TSPOAP1: variants seen among roughly 807,000 people sequenced by gnomAD.
TSPOAP1 encodes the protein peripheral-type benzodiazepine receptor-associated protein 1.
In TSPOAP1, 87 loss-of-function variants were observed where a neutral mutation model predicts 197.0. The ratio of observed to expected loss-of-function variants is 0.44; its 90% CI spans 0.37 to 0.53. The LOEUF (loss-of-function observed/expected upper bound fraction) is 0.53. Ranked by LOEUF, TSPOAP1 falls within the 20% of genes least tolerant of loss-of-function variation. The pLI is 0.00. For missense variants in TSPOAP1, 2,174 were observed against 2,411.3 expected (o/e 0.90, Z 2.06); for synonymous variants, 913 against 998.9 (o/e 0.91, Z 1.62).
At chr17:58,323,588 G>C in intron 5 of TSPOAP1, 43 bp from the exon 6 acceptor site, 1 of 1,596,614 alleles carries the variant, frequency 6.3e-7, no homozygotes, top group Non-Finnish European at 8.5e-7. Flanking sequence ...TGAGAACAGG[G>C]CCCCAGGGCA....
At chr17:58,314,764 GAGTC>G (rs1271923561) in intron 16 of TSPOAP1, among the ~76,000 whole-genome samples, 1 of 152,244 alleles carries the variant, frequency 6.6e-6, no homozygotes, top group African/African-American at 2.4e-5. Flanking sequence ...ACAAAGGCAG[GAGTC>G]TTCACACTAA....
chr17:58,322,464 G>T lies in TSPOAP1; in HGVS notation c.1318-52C>A, dbSNP rs1385775950. ...CAGAGCCCCTACTTGGCCATTTCTA[G>T]AGAAGATCTAAGATGAGGAAGCCTC... On this transcript the variant is annotated intron_variant, in intron 9 of 31. Coordinates refer to ENST00000343736, the MANE Select transcript of TSPOAP1 (RefSeq NM_004758.4). This position sits in a 1 kb window ranked among gnomAD's most constrained non-coding sequence, Gnocchi z 5.0. 16 of 1,590,404 alleles carry T rather than the reference G, an allele frequency of 1.0e-5. No homozygotes were observed. The Admixed American group carries it at 2.4e-4, about 24-fold the overall frequency.
chr17:58,326,388 C>A lies in TSPOAP1; in HGVS notation c.475G>T (p.Val159Leu). The A allele has an allele frequency of 2.5e-6, 4 of 1,613,988 alleles. No homozygotes were observed. In the South Asian group the frequency reaches 3.3e-5, roughly 13 times the overall value. ...KSSFPETEEK[V>L]RRLKRKNAEL... is the part of the protein sequence containing the mutation. ...GCGTTCTTCCTCTTCAGCCTCCGCA[C>A]CTTCTCTTCTGTCTCAGGGAAGCTG... is the stretch of plus-strand genomic sequence containing the variant. The change falls in exon 3 of 32, where the codon GTG becomes TTG. Residue 159 changes from valine (V) to leucine (L), a missense_variant. Transcript: ENST00000343736. The surrounding 1 kb of genome is among the most constrained non-coding windows in gnomAD (Gnocchi z 4.7).
chr17:58,322,210 C>T lies in TSPOAP1; in HGVS notation c.1422+98G>A, dbSNP rs956222077. Reference sequence around the variant, plus strand: ...TTTGTTCCCCACAGTCTCCCCGACGCCTAGCACAGTGCCGGGCACACAGTA... The same window carrying T: ...TTTGTTCCCCACAGTCTCCCCGACGTCTAGCACAGTGCCGGGCACACAGTA... On this transcript the variant is annotated intron_variant, in intron 10 of 31. Coordinates refer to ENST00000343736, the MANE Select transcript of TSPOAP1 (RefSeq NM_004758.4). This position sits in a 1 kb window ranked among gnomAD's most constrained non-coding sequence, Gnocchi z 5.0. 7.9e-7 allele frequency: 1 copy of T among 1,261,458 alleles called. No individual in the cohort carries two copies. The highest frequency in any genetic ancestry group is 1.5e-5 in the African/African-American group (1 of 68,212). The allele number at this position is 1,261,458 out of a possible 1,614,324, so 78.1% of individuals were successfully genotyped here. A position where few individuals can be genotyped will look rare whatever the true frequency, so the allele number is the denominator to read the frequency against.
chr17:58,302,513 T>A, intron 31 of TSPOAP1, 66 bp from the exon 32 acceptor site: 1 of 1,140,688 alleles, frequency 8.8e-7, no homozygotes, highest in Non-Finnish European at 1.1e-6. Context: ...GACCCATTTT[T>A]TCCACAGCCT....
chr17:58,304,983 G>C lies in TSPOAP1; in HGVS notation c.5544+78C>G. The stretch of plus-strand genomic sequence containing the variant: ...TGACCACCCCAGCTGCACCCCTGCC[G>C]CAACACTGCCCTGGCCCTACCACCC... On this transcript the variant is annotated intron_variant, in intron 30 of 31. Coordinates refer to ENST00000343736, the MANE Select transcript of TSPOAP1 (RefSeq NM_004758.4). This position sits in a 1 kb window ranked among gnomAD's most constrained non-coding sequence, Gnocchi z 4.2. 1 of 1,124,182 alleles carries C rather than the reference G, an allele frequency of 8.9e-7. No individual in the cohort carries two copies. The highest frequency in any genetic ancestry group is 1.4e-6 in the Non-Finnish European group (1 of 734,094). 69.6% of individuals were successfully genotyped at this position (1,124,182 alleles called of 1,614,324 possible). A position where few individuals can be genotyped will look rare whatever the true frequency, so the allele number is the denominator to read the frequency against.
chr17:58,306,766 T>C (rs1197614998), intron 25 of TSPOAP1, 34 bp downstream of exon 25: 2 of 1,588,494 alleles, frequency 1.3e-6, no homozygotes, highest in Admixed American at 1.7e-5. Context: ...AGGGGGCTGG[T>C]GGGAGGTGGG....
rs973739232 is a variant in TSPOAP1 at position 58,309,712 on chromosome 17, C to G, written c.3891+255G>C. Among the ~76,000 whole-genome samples, 5 of 152,246 alleles carry G rather than the reference C, an allele frequency of 3.3e-5. No individual in the cohort carries two copies. The highest frequency in any genetic ancestry group is 1.2e-4 in the African/African-American group (5 of 41,464). On this transcript the variant is annotated intron_variant, in intron 21 of 31. Transcript: ENST00000343736. This position sits in a 1 kb window ranked among gnomAD's most constrained non-coding sequence, Gnocchi z 5.0. ...AAGGATCTTAGGTGGCACCGGCCTC[C>G]CCTGGCCAGGGCGCTGTATCTGGTG...
intron 31 of TSPOAP1, chr17:58,303,222 C>G (rs1029362811): frequency 6.6e-6 from 1 of 152,532 alleles, no homozygotes; most frequent in Non-Finnish European, 1.5e-5. Flanking sequence ...CACCAGAAAG[C>G]CCCCTACACC....
chr17:58,312,258 G>A lies in TSPOAP1; in HGVS notation c.2563C>T (p.Leu855Phe). Residue 855 changes from leucine (L) to phenylalanine (F), a missense_variant, in exon 17 of 32, where the codon CTT becomes TTT. Coordinates refer to ENST00000343736, the MANE Select transcript of TSPOAP1 (RefSeq NM_004758.4). ...LENLDLWAGPLHISVQALTSR... is the reference protein window; with the variant it reads ...LENLDLWAGPFHISVQALTSR... ...GTCAGGGCCTGGACAGAAATGTGAA[G>A]GGGCCCGGCCCACAGGTCCAGGTTC... is the stretch of plus-strand genomic sequence containing the variant. 6.2e-7 allele frequency: 1 copy of A among 1,612,644 alleles called. No individual in the cohort carries two copies. The highest frequency in any genetic ancestry group is 8.5e-7 in the Non-Finnish European group (1 of 1,179,734).
intron 14 of TSPOAP1, among the ~76,000 whole-genome samples, chr17:58,317,386 G>T (rs1971272321): frequency 6.6e-6 from 1 of 152,090 alleles, no homozygotes; most frequent in Non-Finnish European, 1.5e-5. Context: ...TACTTGCCCG[G>T]CCCACAGCCC....
At position 58,327,728 on chromosome 17, in the gene TSPOAP1, C is replaced by T. The variant is rs780869105; in HGVS notation, c.193G>A (p.Gly65Arg). 1.2e-6 allele frequency: 2 copies of T among 1,614,086 alleles called. No homozygotes were observed. The highest frequency in any genetic ancestry group is 2.7e-5 in the African/African-American group (2 of 74,958). The change falls in exon 1 of 32, where the codon GGA (glycine) becomes AGA (arginine). Residue 65 changes from glycine to arginine, a missense_variant. By Grantham distance (125) the Gly-to-Arg change is moderately radical. This residue lies in a region of TSPOAP1 where 1,933 missense variants were observed against 2,139.0 expected (regional missense o/e 0.90). Transcript: ENST00000343736. ...LRSEESSKPKGDGSSRPVGGT... is the reference protein window; with the variant it reads ...LRSEESSKPKRDGSSRPVGGT... ...CCCACGGGCCTGGAGCTCCCGTCTC[C>T]TTTGGGCTTGGAACTCTCCTCAGAC...
chr17:58,322,819 G>C lies in TSPOAP1; in HGVS notation c.1195-43C>G, dbSNP rs762175175. The C allele has an allele frequency of 4.8e-5, 77 of 1,609,736 alleles. No homozygotes were observed. The highest frequency in any genetic ancestry group is 6.3e-5 in the Non-Finnish European group (74 of 1,178,274). On this transcript the variant is annotated intron_variant, in intron 8 of 31. Transcript: ENST00000343736. This position sits in a 1 kb window ranked among gnomAD's most constrained non-coding sequence, Gnocchi z 5.0. ...ACAGGGAGTTGGGTGGGTGAGCCTT[G>C]ACCCACCAGCACCCTCACAGGGGGA... is the stretch of plus-strand genomic sequence containing the variant.
chr17:58,320,653 G>A, intron 10 of TSPOAP1, 72 bp from the exon 11 acceptor site: 1 of 1,210,222 alleles, frequency 8.3e-7, no homozygotes, highest in Non-Finnish European at 1.1e-6. Flanking sequence ...GGCTGCGAGG[G>A]AGGAAGGGTA....
intron 26 of TSPOAP1, 90 bp downstream of exon 26, chr17:58,306,252 A>G: frequency 7.7e-7 from 1 of 1,298,662 alleles, no homozygotes; most frequent in Non-Finnish European, 1.1e-6. Context: ...ACATCCTCCC[A>G]GCACCTGAGA....
intron 13 of TSPOAP1, among the ~76,000 whole-genome samples, chr17:58,318,745 G>A (rs575205078): frequency 1.4e-4 from 21 of 152,006 alleles, no homozygotes; most frequent in African/African-American, 4.6e-4. Flanking sequence ...TGACTGTCAA[G>A]TGAGTGGAGC....
In TSPOAP1 at chr17:58,305,713, G is replaced by A. The variant is rs538314928; in HGVS notation, c.5258-70C>T. On this transcript the variant is annotated intron_variant, in intron 27 of 31. Coordinates refer to ENST00000343736, the MANE Select transcript of TSPOAP1 (RefSeq NM_004758.4). ...TACACCCCATCCTGTCTTCTGCCCC[G>A]GACCCCTGCTGACCCCCTGTCACCA... 177 of 1,429,364 alleles carry A rather than the reference G, an allele frequency of 1.2e-4. 1 individual carries two copies. Among genetic ancestry groups the A allele is most frequent in the African/African-American group, 4.3e-4 (31 of 71,798 alleles). The allele number at this position is 1,429,364 out of a possible 1,614,324, so 88.5% of individuals were successfully genotyped here. A position where few individuals can be genotyped will look rare whatever the true frequency, so the allele number is the denominator to read the frequency against.
Position 58,304,996 on chromosome 17 carries a change from G to T in TSPOAP1, c.5544+65C>A. 1 of 1,254,684 alleles carries T rather than the reference G, an allele frequency of 8.0e-7. No individual in the cohort carries two copies. The highest frequency in any genetic ancestry group is 1.2e-6 in the Non-Finnish European group (1 of 852,128). The allele number at this position is 1,254,684 out of a possible 1,614,324, so 77.7% of individuals were successfully genotyped here. On this transcript the variant is annotated intron_variant, in intron 30 of 31. Transcript: ENST00000343736. This position sits in a 1 kb window ranked among gnomAD's most constrained non-coding sequence, Gnocchi z 4.2. Reference sequence around the variant, plus strand: ...TGCACCCCTGCCGCAACACTGCCCTGGCCCTACCACCCCACCAGTAGGGTA... The same window carrying T: ...TGCACCCCTGCCGCAACACTGCCCTTGCCCTACCACCCCACCAGTAGGGTA...
Position 58,326,145 on chromosome 17 carries a change from C to A in TSPOAP1, c.570+148G>T. The A allele has an allele frequency of 7.5e-7, 1 of 1,332,316 alleles. No homozygotes were observed. Among genetic ancestry groups the A allele is most frequent in the Non-Finnish European group, 1.0e-6 (1 of 990,556 alleles). The allele number at this position is 1,332,316 out of a possible 1,614,324, so 82.5% of individuals were successfully genotyped here. ...GCCTCCTTGCCTGGCCAGCCTCTGC[C>A]CTTCCTGCACCTTAGCCCCTAGATT... On this transcript the variant is annotated intron_variant, in intron 3 of 31. Transcript: ENST00000343736. This position sits in a 1 kb window ranked among gnomAD's most constrained non-coding sequence, Gnocchi z 4.7.
Sources: allele counts gnomAD v4.1 joint callset (sites outside exome capture counted in the v4.1 genomes callset), GRCh38; gene constraint gnomAD v4.1.1; regional missense constraint gnomAD v4.1.1; non-coding constraint Gnocchi (gnomAD v3.1); transcripts MANE v1.5; gene names NCBI Gene and HGNC (gene_info 2026-07-23, HGNC 2026-07-21).